DSCAM: variants seen among roughly 807,000 people sequenced by gnomAD.
The protein encoded by DSCAM is DS cell adhesion molecule.
Under a neutral mutation model 217.7 loss-of-function variants are expected in DSCAM, and 47 were observed. That is an observed-to-expected ratio of 0.22 (90% CI 0.17 to 0.28). DSCAM has a LOEUF of 0.28. Ranked by LOEUF, DSCAM falls within the 10% of genes least tolerant of loss-of-function variation. The pLI is 1.00. For missense variants in DSCAM, 2,080 were observed against 2,618.3 expected (o/e 0.79, Z 4.49); for synonymous variants, 1,056 against 1,015.3 (o/e 1.04, Z -0.76).
At chr21:40,027,265 TC>T (rs1489646034) in intron 32 of DSCAM, among the ~76,000 whole-genome samples, 2 of 152,308 alleles carry the variant, frequency 1.3e-5, no homozygotes, top group African/African-American at 2.4e-5. Flanking sequence ...CTGATGGGCT[TC>T]CCTTTGAGGG....
intron 3 of DSCAM, among the ~76,000 whole-genome samples, chr21:40,559,807 C>CT (rs1271265024): frequency 0.012 from 585 of 48,696 alleles, 7 homozygotes; most frequent in African/African-American, 0.038. Context: ...TTTTTTTTTT[C>CT]TTTGAGATGG....
chr21:40,378,757 A>G (rs1054747092), intron 3 of DSCAM, among the ~76,000 whole-genome samples: 24 of 151,166 alleles, frequency 1.6e-4, no homozygotes, highest in Admixed American at 1.5e-3. Flanking sequence ...ACGCCCGGCT[A>G]ATTTTTTTTG....
chr21:40,585,131 G>C (rs2076934644), intron 3 of DSCAM, among the ~76,000 whole-genome samples: 1 of 151,588 alleles, frequency 6.6e-6, no homozygotes, highest in African/African-American at 2.4e-5. Flanking sequence ...GCAGATGCTG[G>C]GGCAATGCTT....
At chr21:40,142,006 G>A (rs1163011453) in intron 18 of DSCAM, among the ~76,000 whole-genome samples, 1 of 73,602 alleles carries the variant, frequency 1.4e-5, no homozygotes, top group Non-Finnish European at 3.6e-5. Context: ...ACACGATAAA[G>A]AACAAGGAAA....
In DSCAM at chr21:40,772,357, C is replaced by CG. The variant is rs532135930; in HGVS notation, c.44-63587dup. On this transcript the variant is annotated intron_variant, in intron 1 of 32. Transcript: ENST00000400454. ...CTAATTTTTGCACTTTTAATAGAGACGGGGTTTCACCATGTTGGCCAGGCT... is the reference window on the plus strand; with the variant it reads ...CTAATTTTTGCACTTTTAATAGAGACGGGGGTTTCACCATGTTGGCCAGGCT... 1.8e-3 allele frequency among the ~76,000 whole-genome samples: 280 copies of CG among 152,184 alleles called. 1 individual carries two copies. The highest frequency in any genetic ancestry group is 3.4e-3 in the Non-Finnish European group (232 of 67,998).
intron 1 of DSCAM, among the ~76,000 whole-genome samples, chr21:40,786,183 C>G (rs1276348174): frequency 6.6e-6 from 1 of 151,734 alleles, no homozygotes; most frequent in Admixed American, 6.6e-5. Context: ...TTGTGGTGAG[C>G]TGAGATCGTG....
chr21:40,830,067 G>T (rs2092000328), intron 1 of DSCAM, among the ~76,000 whole-genome samples: 1 of 152,084 alleles, frequency 6.6e-6, no homozygotes. Context: ...GGTCATTCTT[G>T]CATTGCTATA....
intron 3 of DSCAM, among the ~76,000 whole-genome samples, chr21:40,514,520 T>C (rs1258184548): frequency 3.3e-5 from 5 of 152,316 alleles, no homozygotes; most frequent in East Asian, 3.9e-4. Flanking sequence ...CTTTTTGACA[T>C]TGCATAAAAT....
chr21:40,513,785 TTGAA>T (rs756891871), intron 3 of DSCAM, among the ~76,000 whole-genome samples: 9 of 152,068 alleles, frequency 5.9e-5, no homozygotes, highest in Non-Finnish European at 8.8e-5. Context: ...CAACATGGTG[TTGAA>T]TGAATGGACA....
intron 15 of DSCAM, among the ~76,000 whole-genome samples, chr21:40,173,744 C>T (rs973748464): frequency 1.3e-5 from 2 of 152,196 alleles, no homozygotes; most frequent in Admixed American, 6.5e-5. Flanking sequence ...ATCACAGCTG[C>T]TGCCCCGGAA....
chr21:40,131,653 G>A (rs919126782), intron 19 of DSCAM, among the ~76,000 whole-genome samples: 1 of 152,128 alleles, frequency 6.6e-6, no homozygotes, highest in African/African-American at 2.4e-5. Flanking sequence ...TCGAACTCCT[G>A]GCCTCAAGCG....
chr21:40,239,866 T>C (rs897299727), intron 11 of DSCAM, among the ~76,000 whole-genome samples: 2 of 152,206 alleles, frequency 1.3e-5, no homozygotes, highest in Non-Finnish European at 2.9e-5. Flanking sequence ...ATGTATTCCA[T>C]GCTTGTCTAA....
At chr21:40,236,481 G>A (rs1462899175) in intron 11 of DSCAM, among the ~76,000 whole-genome samples, 1 of 151,990 alleles carries the variant, frequency 6.6e-6, no homozygotes, top group East Asian at 1.9e-4. Flanking sequence ...TACTTCCAGG[G>A]TACAAATACA....
chr21:40,181,565 G>A (rs533512802), intron 14 of DSCAM, among the ~76,000 whole-genome samples: 1 of 152,208 alleles, frequency 6.6e-6, no homozygotes, highest in Admixed American at 6.5e-5. Context: ...AAGAAGGGCT[G>A]GGATTTGGCC....
intron 3 of DSCAM, among the ~76,000 whole-genome samples, chr21:40,597,778 CTGGGATTACAGGCGTGAGCCACAG>C (rs968931163): frequency 3.9e-5 from 6 of 152,110 alleles, no homozygotes; most frequent in Admixed American, 2.6e-4. Context: ...TCCCAAAGTG[CTGGGATTACAGGCGTGAGCCACAG>C]TGCCCGGCCT....
At chr21:40,736,394 G>A (rs1192929625) in intron 1 of DSCAM, among the ~76,000 whole-genome samples, 1 of 152,034 alleles carries the variant, frequency 6.6e-6, no homozygotes, top group Non-Finnish European at 1.5e-5. Context: ...GTAAGCTCAT[G>A]GGGGCCGTGG....
intron 3 of DSCAM, among the ~76,000 whole-genome samples, chr21:40,592,727 C>T (rs2076992680): frequency 6.6e-6 from 1 of 152,198 alleles, no homozygotes; most frequent in African/African-American, 2.4e-5. Flanking sequence ...ACCCTCACCC[C>T]ATGTCATCTC....
At chr21:40,684,672 G>A (rs1055330602) in intron 3 of DSCAM, among the ~76,000 whole-genome samples, 1 of 152,126 alleles carries the variant, frequency 6.6e-6, no homozygotes, top group African/African-American at 2.4e-5. Flanking sequence ...CTCAAATCCT[G>A]TTTTCTTATA....
chr21:40,274,620 T>G (rs1257086637), intron 11 of DSCAM, among the ~76,000 whole-genome samples: 1 of 152,220 alleles, frequency 6.6e-6, no homozygotes, highest in Non-Finnish European at 1.5e-5. Context: ...CTTTATAACT[T>G]TTAAAAATTA....
Sources: gnomAD v4.1 joint callset for allele counts (sites outside exome capture counted in the v4.1 genomes callset) on GRCh38, gnomAD v4.1.1 for gene constraint, MANE v1.5 for transcripts, NCBI Gene and HGNC (gene_info 2026-07-23, HGNC 2026-07-21) for gene names.